The following COL19A1 variants were observed in gnomAD, a reference collection of about 807,000 sequenced individuals.
COL19A1 encodes collagen alpha-1(XIX) chain.
Under a neutral mutation model 190.2 loss-of-function variants are expected in COL19A1, and 159 were observed. The ratio of observed to expected loss-of-function variants is 0.84; its 90% CI spans 0.73 to 0.95. COL19A1 has a LOEUF of 0.95. Ranked by LOEUF, COL19A1 falls within the 40% of genes least tolerant of loss-of-function variation. The pLI, the probability that COL19A1 is intolerant of heterozygous loss-of-function variation, is 0.00. For missense variants in COL19A1, 1,418 were observed against 1,431.9 expected (o/e 0.99, Z 0.16); for synonymous variants, 509 against 458.9 (o/e 1.11, Z -1.39).
intron 40 of COL19A1, among the ~76,000 whole-genome samples, chr6:70,171,753 C>A (rs1316592144): frequency 6.6e-6 from 1 of 152,106 alleles, no homozygotes; most frequent in East Asian, 1.9e-4. Flanking sequence ...AGAAAATATA[C>A]CTCTCTGGAG....
chr6:70,097,336 T>A (rs1783339428), intron 15 of COL19A1, among the ~76,000 whole-genome samples: 1 of 152,154 alleles, frequency 6.6e-6, no homozygotes, highest in Non-Finnish European at 1.5e-5. Flanking sequence ...TAGTATAATG[T>A]CCTTGAGGTT....
Position 69,886,345 on chromosome 6 carries a change from A to T in COL19A1, c.91+6687A>T, listed in dbSNP as rs77123892. Among the ~76,000 whole-genome samples the T allele has an allele frequency of 6.6e-3, 1,010 of 152,322 alleles. 24 individuals carry two copies. The East Asian group carries it at 0.071, about 11-fold the overall frequency. On this transcript the variant is annotated intron_variant, in intron 2 of 50. Coordinates refer to ENST00000620364, the MANE Select transcript of COL19A1 (RefSeq NM_001858.6). ...AAGAGATAACACAAACGTGGCAAGG[A>T]TATGGAGAAAAGAGAACTCTAGCAC...
intron 40 of COL19A1, 79 bp downstream of exon 40, chr6:70,168,760 G>A: frequency 1.3e-6 from 2 of 1,490,392 alleles, no homozygotes; most frequent in Non-Finnish European, 1.9e-6. Flanking sequence ...CGGGCAAAAT[G>A]GCCTGCCTTC....
At chr6:70,092,665 A>G (rs1018265589) in intron 15 of COL19A1, among the ~76,000 whole-genome samples, 1 of 152,182 alleles carries the variant, frequency 6.6e-6, no homozygotes, top group African/African-American at 2.4e-5. Flanking sequence ...AGTTCTCTTC[A>G]TTTGTCAGAC....
intron 18 of COL19A1, chr6:70,131,154 G>A (rs1005287932): frequency 2.1e-5 from 7 of 337,204 alleles, no homozygotes; most frequent in Non-Finnish European, 4.5e-5. Flanking sequence ...TGGATTCCAT[G>A]TGAATGTGCC....
intron 16 of COL19A1, among the ~76,000 whole-genome samples, chr6:70,102,473 C>A (rs1433941839): frequency 3.9e-5 from 6 of 152,126 alleles, no homozygotes; most frequent in Non-Finnish European, 5.9e-5. Flanking sequence ...ACACAAATGG[C>A]AATAACAGTA....
At chr6:70,085,427 A>G (rs1384567890) in intron 15 of COL19A1, among the ~76,000 whole-genome samples, 1 of 152,228 alleles carries the variant, frequency 6.6e-6, no homozygotes, top group African/African-American at 2.4e-5. Context: ...CAGTTAGTAG[A>G]CTTTTCCATT....
chr6:69,987,496 C>T (rs1226758987), intron 11 of COL19A1, among the ~76,000 whole-genome samples: 4 of 152,180 alleles, frequency 2.6e-5, no homozygotes, highest in African/African-American at 9.6e-5. Context: ...AAACAAATCT[C>T]ACACTAGAGA....
At chr6:70,156,626 A>G (rs767191890) in intron 33 of COL19A1, 44 bp from the exon 34 acceptor site, 25 of 1,598,534 alleles carry the variant, frequency 1.6e-5, no homozygotes, top group Non-Finnish European at 2.0e-5. Context: ...CCAAAAGATA[A>G]GAAAAATGAT....
rs566151706 is a variant in COL19A1 at position 70,039,763 on chromosome 6, T to G, written c.1170+3824T>G. Among the ~76,000 whole-genome samples the G allele has an allele frequency of 6.1e-5, 9 of 148,218 alleles. No homozygotes were observed. The East Asian group carries it at 7.7e-4, about 13-fold the overall frequency. ...ATGATGTTTTTGGGGAAGTATTGTT[T>G]TTTTTTTTTTTTCTTTTGAGACAGG... On this transcript the variant is annotated intron_variant, in intron 14 of 50. Transcript: ENST00000620364.
In COL19A1 at chr6:69,899,545, G is replaced by GA. The variant is rs201306433; in HGVS notation, c.166+532dup. ...ATCAACAATACCTCAACCTCTTGGA[G>GA]AAAAAAAAACTTATTTAAAATTATA... On this transcript the variant is annotated intron_variant, in intron 3 of 50. Transcript: ENST00000620364. Among the ~76,000 whole-genome samples the GA allele has an allele frequency of 2.4e-3, 367 of 150,698 alleles. 3 individuals are homozygous for GA. Among genetic ancestry groups the GA allele is most frequent in the East Asian group, 0.012 (61 of 5,150 alleles).
chr6:70,089,117 A>G (rs375938784), intron 15 of COL19A1, among the ~76,000 whole-genome samples: 74 of 152,252 alleles, frequency 4.9e-4, no homozygotes, highest in Non-Finnish European at 8.2e-4. Context: ...GATTTCACCT[A>G]CATGTGTTTT....
intron 15 of COL19A1, among the ~76,000 whole-genome samples, chr6:70,085,146 C>A (rs1782505028): frequency 6.6e-6 from 1 of 152,098 alleles, no homozygotes; most frequent in African/African-American, 2.4e-5. Context: ...ATAATAAAAT[C>A]CTCTAGCACT....
chr6:69,871,032 T>C (rs1767792104), intron 1 of COL19A1, among the ~76,000 whole-genome samples: 1 of 152,016 alleles, frequency 6.6e-6, no homozygotes, highest in Non-Finnish European at 1.5e-5. Flanking sequence ...TAGAATATAA[T>C]GAGGGCAGAA....
intron 4 of COL19A1, among the ~76,000 whole-genome samples, chr6:69,912,330 A>T (rs1470585416): frequency 6.6e-6 from 1 of 152,116 alleles, no homozygotes; most frequent in African/African-American, 2.4e-5. Context: ...GATTTAAATG[A>T]TATTATATTA....
intron 9 of COL19A1, among the ~76,000 whole-genome samples, chr6:69,951,553 T>C (rs1774124135): frequency 6.6e-6 from 1 of 151,918 alleles, no homozygotes; most frequent in African/African-American, 2.4e-5. Context: ...AATGTTAAAG[T>C]CACATATCTT....
chr6:69,879,583 C>T lies in COL19A1; in HGVS notation c.16C>T (p.Pro6Ser). The change falls in exon 2 of 51, where the codon CCT (proline) becomes TCT (serine). Residue 6 changes from proline to serine, a missense_variant. Transcript: ENST00000620364. MRLTG[P>S]WKLWLWMSIF... ...TCAAGGCACAATGAGACTCACTGGC[C>T]CTTGGAAACTTTGGCTTTGGATGTC... The T allele has an allele frequency of 6.2e-7, 1 of 1,614,024 alleles. No homozygotes were observed. The highest frequency in any genetic ancestry group is 8.5e-7 in the Non-Finnish European group (1 of 1,179,980).
At chr6:69,906,881 G>C (rs1770584129) in intron 4 of COL19A1, among the ~76,000 whole-genome samples, 2 of 152,058 alleles carry the variant, frequency 1.3e-5, no homozygotes, top group African/African-American at 4.8e-5. Context: ...TCTTTAGCAA[G>C]TAGGAAACCC....
intron 7 of COL19A1, among the ~76,000 whole-genome samples, chr6:69,936,240 A>G (rs1773104561): frequency 6.6e-6 from 1 of 152,104 alleles, no homozygotes; most frequent in Non-Finnish European, 1.5e-5. Context: ...TGTCTGTTGT[A>G]GTGGAGACCT....
Sources: gnomAD v4.1 joint callset for allele counts (sites outside exome capture counted in the v4.1 genomes callset) on GRCh38, gnomAD v4.1.1 for gene constraint, MANE v1.5 for transcripts, NCBI Gene and HGNC (gene_info 2026-07-23, HGNC 2026-07-21) for gene names.